Variants in MATR3 observed in about 807,000 individuals in gnomAD.
MATR3 encodes matrin-3.
Under a neutral mutation model 85.5 loss-of-function variants are expected in MATR3, and 4 were observed. The observed-to-expected ratio is 0.05, with a 90% CI of 0.02 to 0.11. MATR3 has a LOEUF of 0.11. Among genes scored for constraint, MATR3 ranks in the 10% least tolerant of loss-of-function variants. MATR3 has a pLI of 1.00. For synonymous variants in MATR3, 336 were observed against 343.1 expected (o/e 0.98, Z 0.23); for missense variants, 685 against 1,016.1 (o/e 0.67, Z 4.43).
intron 14 of MATR3, among the ~76,000 whole-genome samples, chr5:139,327,979 A>G (rs1057418073): frequency 2.0e-5 from 3 of 151,908 alleles, no homozygotes; most frequent in African/African-American, 7.3e-5. Flanking sequence ...CTCCTGCCTC[A>G]GGCTCCCGAG....
intron 3 of MATR3, chr5:139,283,256 T>G (rs1263232702): frequency 6.6e-6 from 1 of 152,236 alleles, no homozygotes; most frequent in African/African-American, 2.4e-5. Flanking sequence ...AGCCTCTGAG[T>G]TAGAATCTGT....
chr5:139,327,161 A>G (rs1485179532), intron 14 of MATR3, among the ~76,000 whole-genome samples: 18 of 152,220 alleles, frequency 1.2e-4, no homozygotes, highest in Non-Finnish European at 1.5e-5. Context: ...CAAGTCAATT[A>G]TAGATACCTT....
At chr5:139,324,238 A>G (rs1181228054) in intron 12 of MATR3, among the ~76,000 whole-genome samples, 1 of 152,088 alleles carries the variant, frequency 6.6e-6, no homozygotes. Context: ...TACTGCTTAT[A>G]AGACACAGAG....
At chr5:139,288,925 C>T (rs969663734), upstream of MATR3, among the ~76,000 whole-genome samples, 4 of 152,156 alleles carry the variant, frequency 2.6e-5, no homozygotes, top group Non-Finnish European at 5.9e-5. Flanking sequence ...AGGCATGAGC[C>T]ACCACGCCCG....
At chr5:139,281,356 G>GTTTTTTTTTTTTTTTT (rs1371325133) in intron 3 of MATR3, among the ~76,000 whole-genome samples, 2 of 101,070 alleles carry the variant, frequency 2.0e-5, no homozygotes, top group East Asian at 3.0e-4. Flanking sequence ...TTTTTTTTTT[G>GTTTTTTTTTTTTTTTT]TTTTTTTTTT....
chr5:139,323,220 T>TTGA lies in MATR3; in HGVS notation c.2148+253_2148+254insTGA, dbSNP rs77618007. 0.041 allele frequency among the ~76,000 whole-genome samples: 6,246 copies of TTGA among 152,160 alleles called. 171 individuals carry two copies. The highest frequency in any genetic ancestry group is 0.075 in the African/African-American group (3,093 of 41,516). On this transcript the variant is annotated intron_variant, in intron 12 of 14. Coordinates refer to ENST00000394805, the MANE Select transcript of MATR3 (RefSeq NM_018834.6). ...AAAAATGAGGGAGAAAGACTCAAAA[T>TTGA]ATATGTGCTTCTGTATTGTAGTGGT...
chr5:139,308,458 ACTTT>A (rs1047834816), intron 2 of MATR3, 131 bp downstream of exon 2: 8 of 1,070,904 alleles, frequency 7.5e-6, no homozygotes, highest in African/African-American at 6.3e-5. Flanking sequence ...GAGAACACTT[ACTTT>A]ATTTGGAAGG....
chr5:139,321,604 G>A (rs928157632), intron 9 of MATR3, among the ~76,000 whole-genome samples: 1 of 152,108 alleles, frequency 6.6e-6, no homozygotes, highest in African/African-American at 2.4e-5. Context: ...GCAACATGGC[G>A]AAACTGCACC....
rs1333830769 is a variant in MATR3 at position 139,330,597 on chromosome 5, A to G, written c.*1202A>G. On this transcript the variant is annotated 3_prime_UTR_variant, in exon 15 of 15. Coordinates refer to ENST00000394805, the MANE Select transcript of MATR3 (RefSeq NM_018834.6). ...GTGGATTTCTTGTTCCTGTTACATA[A>G]CTAAAAGTGAGGCCATTTGTGGTTT... The G allele has an allele frequency of 2.2e-6, 1 of 454,114 alleles. No homozygotes were observed. Among genetic ancestry groups the G allele is most frequent in the South Asian group, 1.6e-5 (1 of 64,482 alleles). The allele number at this position is 454,114 out of a possible 1,614,324, so 28.1% of individuals were successfully genotyped here.
At chr5:139,298,856 A>C (rs1402627709) in intron 1 of MATR3, among the ~76,000 whole-genome samples, 1 of 152,188 alleles carries the variant, frequency 6.6e-6, no homozygotes, top group East Asian at 1.9e-4. Context: ...AAAACAACTT[A>C]AATGTTCATC....
upstream of MATR3, among the ~76,000 whole-genome samples, chr5:139,290,310 A>G (rs779519743): frequency 6.6e-6 from 1 of 151,130 alleles, no homozygotes; most frequent in Admixed American, 6.6e-5. Flanking sequence ...CACCCAGCTA[A>G]TTTTTTATAT....
chr5:139,316,962 T>C (rs1755279760), intron 5 of MATR3, 91 bp from the exon 6 acceptor site: 3 of 958,434 alleles, frequency 3.1e-6, no homozygotes, highest in Non-Finnish European at 5.0e-6. Flanking sequence ...AGCTTTTCAT[T>C]TGTGTTTGGA....
At chr5:139,276,215 C>G (rs1753271018) in intron 2 of MATR3, 1 of 456,582 alleles carries the variant, frequency 2.2e-6, no homozygotes. Context: ...TGTCTTGTAC[C>G]TAGGCAAGTG....
intron 9 of MATR3, 181 bp from the exon 10 acceptor site, chr5:139,321,717 A>G (rs1183702679): frequency 2.0e-5 from 13 of 634,876 alleles, no homozygotes; most frequent in Admixed American, 8.4e-5. Context: ...CAGTACATCA[A>G]CGCTTCAGCA....
intron 1 of MATR3, among the ~76,000 whole-genome samples, chr5:139,296,891 G>T (rs954433457): frequency 1.3e-5 from 2 of 152,190 alleles, no homozygotes; most frequent in African/African-American, 2.4e-5. Flanking sequence ...TCTAAAAGTG[G>T]ATGATTGCGG....
intron 2 of MATR3, among the ~76,000 whole-genome samples, chr5:139,309,429 C>CTT (rs1276402303): frequency 6.6e-6 from 1 of 151,984 alleles, no homozygotes; most frequent in African/African-American, 2.4e-5. Context: ...ATAGCTAATC[C>CTT]TTTGATAAGC....
chr5:139,276,511 G>A (rs1753280983), intron 2 of MATR3, among the ~76,000 whole-genome samples: 1 of 152,178 alleles, frequency 6.6e-6, no homozygotes, highest in African/African-American at 2.4e-5. Flanking sequence ...TTGGGCTGCG[G>A]GTTGGAAAAG....
chr5:139,289,558 TCTTC>T (rs1471415913), upstream of MATR3, among the ~76,000 whole-genome samples: 1 of 152,256 alleles, frequency 6.6e-6, no homozygotes, highest in African/African-American at 2.4e-5. Context: ...AATGTCCATG[TCTTC>T]CTTCTACCAA....
chr5:139,327,278 C>G (rs1394089627), intron 14 of MATR3, among the ~76,000 whole-genome samples: 1 of 148,850 alleles, frequency 6.7e-6, no homozygotes, highest in Non-Finnish European at 1.5e-5. Context: ...GGAAATAATT[C>G]AAGTTCTTGG....
Sources: allele counts gnomAD v4.1 joint callset (sites outside exome capture counted in the v4.1 genomes callset), GRCh38; gene constraint gnomAD v4.1.1; transcripts MANE v1.5; gene names NCBI Gene and HGNC (gene_info 2026-07-23, HGNC 2026-07-21).